Variants in SLC35A3 observed in about 807,000 individuals in gnomAD.
SLC35A3 encodes the protein UDP-N-acetylglucosamine transporter.
In SLC35A3, 26 loss-of-function variants were observed where a neutral mutation model predicts 39.0. The ratio of observed to expected loss-of-function variants is 0.67; its 90% CI spans 0.49 to 0.92. SLC35A3 has a LOEUF of 0.92. Among genes scored for constraint, SLC35A3 ranks in the 40% least tolerant of loss-of-function variants. The pLI is 0.00. For missense variants in SLC35A3, 299 were observed against 371.6 expected, an observed-to-expected ratio of 0.80 and a Z score of 1.61; for synonymous variants, 135 against 133.1, an observed-to-expected ratio of 1.01 and a Z score of -0.10.
rs149222105 is a variant in SLC35A3 at position 100,014,362 on chromosome 1, A to T, written c.635-940A>T. 1.6e-3 allele frequency among the ~76,000 whole-genome samples: 247 copies of T among 152,296 alleles called. 2 individuals carry two copies. Among genetic ancestry groups the T allele is most frequent in the African/African-American group, 5.6e-3 (232 of 41,540 alleles). ...CAGCCACCTGAGTAGCTAGGACTAC[A>T]GGCATGCACCACCACACCTAACTAA... is the stretch of plus-strand genomic sequence containing the variant. On this transcript the variant is annotated intron_variant, in intron 5 of 7. Transcript: ENST00000533028.
In SLC35A3 at chr1:99,999,331, A is replaced by C; in HGVS notation, c.258A>C (p.Lys86Asn). 6.2e-7 allele frequency: 1 copy of C among 1,600,078 alleles called. No individual in the cohort carries two copies. The highest frequency in any genetic ancestry group is 8.5e-7 in the Non-Finnish European group (1 of 1,171,702). Residue 86 changes from lysine to asparagine, a missense_variant, in exon 3 of 8, where the codon AAA (lysine) becomes AAC (asparagine). Physicochemically the swap from Lys to Asn is moderately conservative, Grantham distance 94. Coordinates refer to ENST00000533028, the MANE Select transcript of SLC35A3 (RefSeq NM_012243.3). Reference protein sequence around the residue: ...EILNKPMETLKLAIPSGIYTL... With the variant: ...EILNKPMETLNLAIPSGIYTL... ...TTAATAAACCTATGGAAACACTTAA[A>C]CTTGCTATTCCATCAGGGATCTATA... is the stretch of plus-strand genomic sequence containing the variant.
Position 100,031,568 on chromosome 1 carries a change from G to A in SLC35A3, c.*9092G>A, listed in dbSNP as rs1661229097. ...AATTTGGGCACACTCAAGTCCTTAA[G>A]GGGAAACCGCGTATAAGAAAAGTCA... is the stretch of plus-strand genomic sequence containing the variant. On this transcript the variant is annotated 3_prime_UTR_variant, in exon 8 of 8. Transcript: ENST00000533028. 6.6e-6 allele frequency: 1 copy of A among 152,094 alleles called. No individual in the cohort carries two copies. The highest frequency in any genetic ancestry group is 2.4e-5 in the African/African-American group (1 of 41,408). 9.4% of individuals were successfully genotyped at this position (152,094 alleles called of 1,614,324 possible).
chr1:99,989,001 T>C (rs1657918120), intron 1 of SLC35A3, among the ~76,000 whole-genome samples: 1 of 152,138 alleles, frequency 6.6e-6, no homozygotes, highest in East Asian at 1.9e-4. Context: ...CCTCAAGTGA[T>C]CCTCCAGCCT....
intron 1 of SLC35A3, among the ~76,000 whole-genome samples, chr1:99,974,700 T>C (rs1235347617): frequency 6.6e-6 from 1 of 152,156 alleles, no homozygotes; most frequent in African/African-American, 2.4e-5. Context: ...GTCTGAGCTC[T>C]GACAAGTTAT....
At chr1:99,988,029 A>C (rs1657847134) in intron 1 of SLC35A3, among the ~76,000 whole-genome samples, 1 of 152,222 alleles carries the variant, frequency 6.6e-6, no homozygotes, top group Non-Finnish European at 1.5e-5. Flanking sequence ...AAATGTACCC[A>C]TTGAATAAAA....
chr1:100,008,565 A>C (rs1659401827), intron 4 of SLC35A3: 1 of 151,996 alleles, frequency 6.6e-6, no homozygotes, highest in Non-Finnish European at 1.5e-5. Flanking sequence ...CATACTTCAC[A>C]CTCTGAATTG....
intron 2 of SLC35A3, among the ~76,000 whole-genome samples, chr1:99,994,333 A>C (rs1658261349): frequency 6.6e-6 from 1 of 151,870 alleles, no homozygotes; most frequent in Non-Finnish European, 1.5e-5. Flanking sequence ...TAAATTTTTA[A>C]ATCACTTTTA....
intron 5 of SLC35A3, 114 bp from the exon 6 acceptor site, chr1:100,015,188 T>G: frequency 1.2e-6 from 1 of 867,012 alleles, no homozygotes. Flanking sequence ...GAAAGTAATC[T>G]AATTTTATCA....
intron 5 of SLC35A3, among the ~76,000 whole-genome samples, chr1:100,013,351 G>A (rs184749211): frequency 4.0e-5 from 6 of 149,884 alleles, no homozygotes; most frequent in East Asian, 2.0e-4. Flanking sequence ...AGTGGCTCAC[G>A]CCTGTAATCC....
chr1:100,006,459 T>G (rs1221094414), intron 3 of SLC35A3, among the ~76,000 whole-genome samples: 1 of 152,008 alleles, frequency 6.6e-6, no homozygotes, highest in Admixed American at 6.6e-5. Flanking sequence ...TGTACATGAG[T>G]GCCAGTGGTG....
intron 2 of SLC35A3, among the ~76,000 whole-genome samples, chr1:99,997,756 G>A (rs975910984): frequency 1.5e-4 from 23 of 151,760 alleles, no homozygotes; most frequent in Non-Finnish European, 2.2e-4. Flanking sequence ...ATTTGTAGCA[G>A]CATTGTATTA....
At chr1:100,004,088 G>A (rs1039641507) in intron 3 of SLC35A3, among the ~76,000 whole-genome samples, 1 of 152,146 alleles carries the variant, frequency 6.6e-6, no homozygotes, top group African/African-American at 2.4e-5. Flanking sequence ...TATCTTTTAT[G>A]TGGGAAATTT....
chr1:99,993,561 G>A lies in SLC35A3; in HGVS notation c.7G>A (p.Ala3Thr), dbSNP rs1176953471. Residue 3 changes from alanine to threonine, a missense_variant, in exon 2 of 8, where the codon GCC (alanine) becomes ACC (threonine). By Grantham distance (58) the Ala-to-Thr change is moderately conservative. Coordinates refer to ENST00000533028, the MANE Select transcript of SLC35A3 (RefSeq NM_012243.3). MFANLKYVSLGIL... is the reference protein window; with the variant it reads MFTNLKYVSLGIL... ...GGCAAATGAAGATAAAACAATGTTCGCCAACCTAAAATACGTTTCCCTGGG... is the reference window on the plus strand; with the variant it reads ...GGCAAATGAAGATAAAACAATGTTCACCAACCTAAAATACGTTTCCCTGGG... 20 of 1,613,344 alleles carry A rather than the reference G, an allele frequency of 1.2e-5. No individual in the cohort carries two copies. Among genetic ancestry groups the A allele is most frequent in the South Asian group, 6.6e-5 (6 of 91,018 alleles).
At chr1:99,981,345 G>A (rs549707540) in intron 1 of SLC35A3, among the ~76,000 whole-genome samples, 1 of 152,250 alleles carries the variant, frequency 6.6e-6, no homozygotes, top group East Asian at 1.9e-4. Context: ...TTTAGAAAAT[G>A]TAAATATAGC....
intron 1 of SLC35A3, among the ~76,000 whole-genome samples, chr1:99,979,311 A>C (rs1482405753): frequency 6.6e-6 from 1 of 152,066 alleles, no homozygotes; most frequent in African/African-American, 2.4e-5. Flanking sequence ...GTTGGCTGCC[A>C]ATATTCCTTT....
chr1:100,011,385 T>G lies in SLC35A3; in HGVS notation c.486T>G (p.Leu162=). 6.5e-7 allele frequency: 1 copy of G among 1,541,840 alleles called. No homozygotes were observed. The highest frequency in any genetic ancestry group is 8.8e-7 in the Non-Finnish European group (1 of 1,140,774). The stretch of plus-strand genomic sequence containing the variant: ...TTTAGTGGCCCTCAGATTCTCAGCT[T>G]GATTCTAAGGAACTTTCAGCTGGTT... ...AFVQWPSDSQ[L]DSKELSAGSQ... is the part of the protein sequence containing the mutation. Residue 162 remains leucine (L), a synonymous_variant, in exon 5 of 8, where the codon CTT becomes CTG. Transcript: ENST00000533028.
rs1367162310 is a variant in SLC35A3 at position 100,030,620 on chromosome 1, T to G, written c.*8144T>G. ...CTTTAAATGTAGAGTATTTAAGAGG[T>G]TCAGTTAAATGTACTAAATCAGACT... On this transcript the variant is annotated 3_prime_UTR_variant, in exon 8 of 8. Transcript: ENST00000533028. The G allele has an allele frequency of 2.0e-5, 3 of 152,216 alleles. No homozygotes were observed. The East Asian group carries it at 5.8e-4, about 29-fold the overall frequency. The allele number at this position is 152,216 out of a possible 1,614,324, so 9.4% of individuals were successfully genotyped here.
At chr1:100,007,889 A>G (rs1380344138) in intron 4 of SLC35A3, 3 of 151,420 alleles carry the variant, frequency 2.0e-5, no homozygotes, top group African/African-American at 4.9e-5. Flanking sequence ...TTATATCCTG[A>G]TAATTCCTCA....
chr1:99,992,678 G>A (rs979292383), intron 1 of SLC35A3, among the ~76,000 whole-genome samples: 1 of 152,296 alleles, frequency 6.6e-6, no homozygotes, highest in African/African-American at 2.4e-5. Context: ...TGCAACAACT[G>A]TGTCATCTCT....
Sources: gnomAD v4.1 joint callset for allele counts (sites outside exome capture counted in the v4.1 genomes callset) on GRCh38, gnomAD v4.1.1 for gene constraint, MANE v1.5 for transcripts, NCBI Gene and HGNC (gene_info 2026-07-23, HGNC 2026-07-21) for gene names.